The following COL23A1 variants were observed in gnomAD, a reference collection of about 807,000 sequenced individuals.
COL23A1 encodes the protein collagen type XXIII alpha 1 chain, also known as collagen alpha-1(XXIII) chain.
COL23A1 carries 97 observed loss-of-function variants against 99.3 expected under a neutral mutation model. That is an observed-to-expected ratio of 0.98 (90% CI 0.83 to 1.16). The LOEUF is 1.16. COL23A1 is among the 50% of genes most tolerant of loss of function. The pLI is 0.00. For missense variants in COL23A1, 762 were observed against 757.4 expected (o/e 1.01, Z -0.07); for synonymous variants, 320 against 308.2 (o/e 1.04, Z -0.40).
At chr5:178,319,401 T>C (rs1759160497) in intron 2 of COL23A1, among the ~76,000 whole-genome samples, 1 of 152,172 alleles carries the variant, frequency 6.6e-6, no homozygotes, top group Non-Finnish European at 1.5e-5. Context: ...AAGCTCTATT[T>C]TTTTTTTTAA....
At chr5:178,536,234 G>A (rs1357207537) in intron 2 of COL23A1, among the ~76,000 whole-genome samples, 1 of 152,252 alleles carries the variant, frequency 6.6e-6, no homozygotes, top group Non-Finnish European at 1.5e-5. Flanking sequence ...CTCGGGGAGT[G>A]TGGCTTCCCC....
chr5:178,263,295 C>T lies in COL23A1; in HGVS notation c.552G>A (p.Gly184=), dbSNP rs772491553. 1.1e-5 allele frequency: 17 copies of T among 1,605,918 alleles called. No homozygotes were observed. The Middle Eastern group carries it at 8.9e-4, about 84-fold the overall frequency. The change falls in exon 9 of 29, where the codon GGG becomes GGA. Residue 184 remains glycine (G), a synonymous_variant. Transcript: ENST00000390654. ...RGDQGQDGAA[G]PPGPPGPPGA... is the part of the protein sequence containing the mutation. ...CAGGAGGTCCAGGGGGCCCCGGAGG[C>T]CCAGCAGCTCCATCTTGTCCTTGGT...
chr5:178,469,289 C>A (rs749085682), intron 2 of COL23A1, among the ~76,000 whole-genome samples: 100 of 152,286 alleles, frequency 6.6e-4, no homozygotes, highest in Non-Finnish European at 1.1e-3. Context: ...TAACTTTGAA[C>A]ATGATTAGGC....
At chr5:178,301,766 T>C (rs536516280) in intron 3 of COL23A1, among the ~76,000 whole-genome samples, 39 of 151,758 alleles carry the variant, frequency 2.6e-4, no homozygotes, top group Middle Eastern at 6.8e-3. Context: ...TGGCGGGCTG[T>C]GTGTGCTGGA....
chr5:178,487,295 T>TTTTA (rs1363029242), intron 2 of COL23A1, among the ~76,000 whole-genome samples: 11 of 123,774 alleles, frequency 8.9e-5, no homozygotes, highest in African/African-American at 3.7e-4. Flanking sequence ...CAGTTTTATT[T>TTTTA]ATTTATTTAT....
chr5:178,565,367 G>T (rs262071), intron 1 of COL23A1, among the ~76,000 whole-genome samples: 1 of 152,018 alleles, frequency 6.6e-6, no homozygotes, highest in Admixed American at 6.6e-5. Context: ...TGTGAGTACA[G>T]GCACACCACA....
chr5:178,574,870 G>A (rs1292265240), intron 1 of COL23A1, among the ~76,000 whole-genome samples: 1 of 152,156 alleles, frequency 6.6e-6, no homozygotes, highest in Non-Finnish European at 1.5e-5. Context: ...CAGCACTCCT[G>A]CTCAATAGGA....
chr5:178,269,603 C>CATCT (rs1395914894), intron 6 of COL23A1, among the ~76,000 whole-genome samples: 2 of 147,532 alleles, frequency 1.4e-5, no homozygotes, highest in Admixed American at 6.8e-5. Flanking sequence ...TCCATCCATC[C>CATCT]ATCCATCCAT....
intron 5 of COL23A1, among the ~76,000 whole-genome samples, chr5:178,271,094 C>T (rs1756260524): frequency 6.6e-6 from 1 of 152,208 alleles, no homozygotes; most frequent in South Asian, 2.1e-4. Context: ...CCTCCAGGCC[C>T]CCTGCAGAGT....
chr5:178,482,868 C>G (rs1327612884), intron 2 of COL23A1, among the ~76,000 whole-genome samples: 1 of 152,056 alleles, frequency 6.6e-6, no homozygotes, highest in Non-Finnish European at 1.5e-5. Context: ...CGCCACTGCA[C>G]TCCTGCCTGG....
Position 178,255,055 on chromosome 5 carries a change from A to G in COL23A1, c.883-29T>C. The G allele has an allele frequency of 6.3e-7, 1 of 1,581,804 alleles. No individual in the cohort carries two copies. Among genetic ancestry groups the G allele is most frequent in the Non-Finnish European group, 8.7e-7 (1 of 1,151,246 alleles). On this transcript the variant is annotated intron_variant, in intron 15 of 28. Transcript: ENST00000390654. The surrounding 1 kb of genome is among the most constrained non-coding windows in gnomAD (Gnocchi z 4.2). The stretch of plus-strand genomic sequence containing the variant: ...AGGCAGGAAGAAGAGTAAGAATTTC[A>G]GGGAAGAGCTACACTGAGTTGGAGG...
chr5:178,268,848 G>T, intron 6 of COL23A1, 92 bp from the exon 7 acceptor site: 2 of 1,337,540 alleles, frequency 1.5e-6, no homozygotes, highest in Non-Finnish European at 2.1e-6. Flanking sequence ...GGGCAGAAGG[G>T]CCCGTGATGC....
chr5:178,547,636 C>CCACAACCA (rs1398633402), intron 2 of COL23A1, among the ~76,000 whole-genome samples: 4 of 4,488 alleles, frequency 8.9e-4, no homozygotes, highest in Non-Finnish European at 1.7e-3. Context: ...ACCCACACCC[C>CCACAACCA]CCCACACACA....
intron 2 of COL23A1, among the ~76,000 whole-genome samples, chr5:178,547,461 ACACACACC>A (rs1554194018): frequency 2.7e-4 from 14 of 52,176 alleles, no homozygotes; most frequent in South Asian, 1.2e-3. Context: ...ACGTGTGGGC[ACACACACC>A]CACACACCCA....
intron 2 of COL23A1, among the ~76,000 whole-genome samples, chr5:178,539,545 C>CAAAAAAAAAAAAAAAA (rs58424731): frequency 7.7e-5 from 6 of 78,388 alleles, no homozygotes; most frequent in East Asian, 4.0e-4. Flanking sequence ...GACTCTGTCT[C>CAAAAAAAAAAAAAAAA]AAAAAAAAAA....
In COL23A1 at chr5:178,281,700, G is replaced by C. The variant is rs1322978880; in HGVS notation, c.441+6624C>G. 3.3e-5 allele frequency among the ~76,000 whole-genome samples: 5 copies of C among 152,108 alleles called. No homozygotes were observed. The highest frequency in any genetic ancestry group is 1.2e-4 in the African/African-American group (5 of 41,398). Reference sequence around the variant, plus strand: ...CAGTTTCTGCCCTGTAGCCAAGGAGGCCTTTTCTACTTTTTAATAATTAAT... The same window carrying C: ...CAGTTTCTGCCCTGTAGCCAAGGAGCCCTTTTCTACTTTTTAATAATTAAT... On this transcript the variant is annotated intron_variant, in intron 5 of 28. Transcript: ENST00000390654. The surrounding 1 kb of genome is among the most constrained non-coding windows in gnomAD (Gnocchi z 4.0).
intron 2 of COL23A1, among the ~76,000 whole-genome samples, chr5:178,443,967 T>C (rs1767023909): frequency 6.6e-6 from 1 of 152,020 alleles, no homozygotes; most frequent in African/African-American, 2.4e-5. Flanking sequence ...TTTGGGAGGC[T>C]GAGGCAGGTG....
intron 5 of COL23A1, among the ~76,000 whole-genome samples, chr5:178,283,056 T>C (rs772176936): frequency 1.3e-5 from 2 of 152,050 alleles, no homozygotes; most frequent in African/African-American, 2.4e-5. Context: ...TTTTTATTTT[T>C]ATTTTTTTTG....
At chr5:178,322,331 C>T (rs981494047) in intron 2 of COL23A1, among the ~76,000 whole-genome samples, 5 of 152,146 alleles carry the variant, frequency 3.3e-5, no homozygotes, top group African/African-American at 9.7e-5. Context: ...GACGGGGTTT[C>T]GCCATGTTGG....
Sources: allele counts gnomAD v4.1 joint callset (sites outside exome capture counted in the v4.1 genomes callset), GRCh38; gene constraint gnomAD v4.1.1; non-coding constraint Gnocchi (gnomAD v3.1); transcripts MANE v1.5; gene names NCBI Gene and HGNC (gene_info 2026-07-23, HGNC 2026-07-21).